The following SMOC2 variants were observed in gnomAD, a reference collection of about 807,000 sequenced individuals.
SMOC2 encodes the protein SPARC related modular calcium binding 2, also known as SPARC-related modular calcium-binding protein 2.
SMOC2 carries 39 observed loss-of-function variants against 61.4 expected under a neutral mutation model. The ratio of observed to expected loss-of-function variants is 0.64; its 90% CI spans 0.49 to 0.83. The LOEUF is 0.83. SMOC2 is among the 40% of genes least tolerant of loss of function. The pLI is 0.00. For synonymous variants in SMOC2, 247 were observed against 239.9 expected, an observed-to-expected ratio of 1.03 and a Z score of -0.27; for missense variants, 556 against 592.9, an observed-to-expected ratio of 0.94 and a Z score of 0.65.
At chr6:168,644,853 T>C (rs1786983453) in intron 9 of SMOC2, among the ~76,000 whole-genome samples, 1 of 152,010 alleles carries the variant, frequency 6.6e-6, no homozygotes, top group African/African-American at 2.4e-5. Context: ...TTTCACTCTG[T>C]TGGCCAGACT....
At chr6:168,591,851 A>G (rs1785188407) in intron 7 of SMOC2, among the ~76,000 whole-genome samples, 1 of 152,088 alleles carries the variant, frequency 6.6e-6, no homozygotes, top group South Asian at 2.1e-4. Context: ...TTCATCTAAT[A>G]TATTAAAATG....
chr6:168,626,933 G>A (rs17553738), intron 9 of SMOC2, among the ~76,000 whole-genome samples: 22,972 of 152,144 alleles, frequency 0.15, 2,018 homozygotes, highest in African/African-American at 0.23. Flanking sequence ...TGGACCTGCC[G>A]GGAGAGTCAT....
intron 8 of SMOC2, among the ~76,000 whole-genome samples, chr6:168,605,886 AC>A (rs971384423): frequency 7.2e-5 from 11 of 151,934 alleles, no homozygotes; most frequent in African/African-American, 2.4e-4. Context: ...AAGGGCTGGA[AC>A]TCTATCCTCA....
intron 11 of SMOC2, among the ~76,000 whole-genome samples, chr6:168,661,179 C>T (rs1787501477): frequency 6.6e-6 from 1 of 151,844 alleles, no homozygotes; most frequent in Non-Finnish European, 1.5e-5. Context: ...GTATAGTTTA[C>T]AATAGTGAAA....
chr6:168,583,326 A>C (rs987712348), intron 7 of SMOC2, among the ~76,000 whole-genome samples: 12 of 148,828 alleles, frequency 8.1e-5, no homozygotes, highest in Non-Finnish European at 1.5e-4. Flanking sequence ...CCCGGCTCCA[A>C]TGGGCTCAGC....
intron 7 of SMOC2, among the ~76,000 whole-genome samples, chr6:168,549,773 A>C (rs566971618): frequency 4.6e-5 from 7 of 152,304 alleles, no homozygotes; most frequent in African/African-American, 1.7e-4. Context: ...TATATTTTTA[A>C]ATTCGGCATT....
intron 8 of SMOC2, among the ~76,000 whole-genome samples, chr6:168,600,430 A>C (rs1389588659): frequency 0.044 from 2,403 of 55,206 alleles, 120 homozygotes; most frequent in African/African-American, 0.13. Flanking sequence ...AACAAAAAAA[A>C]AAACAAAAAA....
At chr6:168,480,378 GAA>G (rs573549436) in intron 1 of SMOC2, among the ~76,000 whole-genome samples, 1 of 151,792 alleles carries the variant, frequency 6.6e-6, no homozygotes, top group African/African-American at 2.4e-5. Flanking sequence ...AGAAAGTAAA[GAA>G]AATAATATAT....
rs1781483207 is a variant in SMOC2, at chr6:168,452,269, G to T, written c.84+10815G>T. Reference sequence around the variant, plus strand: ...TTCTACTGTCTTTATTTAGAAGTCTGGGATATGCATGTTACATTCAGGATT... The same window carrying T: ...TTCTACTGTCTTTATTTAGAAGTCTTGGATATGCATGTTACATTCAGGATT... On this transcript the variant is annotated intron_variant, in intron 1 of 12. Coordinates refer to ENST00000356284, the MANE Select transcript of SMOC2 (RefSeq NM_001166412.2). The surrounding 1 kb of genome is among the most constrained non-coding windows in gnomAD (Gnocchi z 5.0). Among the ~76,000 whole-genome samples the T allele has an allele frequency of 6.6e-6, 1 of 152,204 alleles. No individual in the cohort carries two copies. The highest frequency in any genetic ancestry group is 1.9e-4 in the East Asian group (1 of 5,192).
At chr6:168,474,115 G>T in intron 1 of SMOC2, among the ~76,000 whole-genome samples, 1 of 152,142 alleles carries the variant, frequency 6.6e-6, no homozygotes, top group East Asian at 1.9e-4. Flanking sequence ...TGCATTGATG[G>T]ATTGCTTCAT....
At chr6:168,537,699 A>G (rs147471392) in intron 4 of SMOC2, among the ~76,000 whole-genome samples, 1 of 152,108 alleles carries the variant, frequency 6.6e-6, no homozygotes, top group Non-Finnish European at 1.5e-5. Context: ...GGGCCGAGAG[A>G]CATATGCCCT....
At chr6:168,651,723 G>T (rs1787197576) in intron 10 of SMOC2, among the ~76,000 whole-genome samples, 2 of 152,280 alleles carry the variant, frequency 1.3e-5, no homozygotes, top group South Asian at 4.1e-4. Flanking sequence ...AACAGAAAAT[G>T]TCATGAATGT....
rs567453354 is a variant in SMOC2 at position 168,636,953 on chromosome 6, T to TG, written c.908-13728_908-13727insG. ...CCCTCCCCACCTCCCTCTTCCCTCC[T>TG]CTTTCCTCCCTCCTCCCTCCTGCTT... On this transcript the variant is annotated intron_variant, in intron 9 of 12. Coordinates refer to ENST00000356284, the MANE Select transcript of SMOC2 (RefSeq NM_001166412.2). Among the ~76,000 whole-genome samples the TG allele has an allele frequency of 1.2e-4, 14 of 113,138 alleles. 1 individual carries two copies. The highest frequency in any genetic ancestry group is 5.1e-4 in the African/African-American group (14 of 27,528). The allele number at this position is 113,138 out of a possible 152,430, so 74.2% of individuals were successfully genotyped here. A position where few individuals can be genotyped will look rare whatever the true frequency, so the allele number is the denominator to read the frequency against.
Position 168,510,077 on chromosome 6 carries a change from A to G in SMOC2, c.247A>G (p.Asn83Asp), listed in dbSNP as rs766932193. 2 of 1,613,902 alleles carry G rather than the reference A, an allele frequency of 1.2e-6. No homozygotes were observed. The highest frequency in any genetic ancestry group is 1.3e-5 in the African/African-American group (1 of 74,934). Reference sequence around the variant, plus strand: ...CCAGCTAGAGATTGCATATCGAGGAAACTGCAAAGGTAAGCTGCTGTTTGA... The same window carrying G: ...CCAGCTAGAGATTGCATATCGAGGAGACTGCAAAGGTAAGCTGCTGTTTGA... Reference protein sequence around the residue: ...DPQLEIAYRGNCKDVSRCVAE... With the variant: ...DPQLEIAYRGDCKDVSRCVAE... Residue 83 changes from asparagine to aspartate, a missense_variant, in exon 2 of 13, where the codon AAC becomes GAC. Physicochemically the swap from Asn to Asp is conservative, Grantham distance 23. Transcript: ENST00000356284.
At chr6:168,663,974 C>T in intron 11 of SMOC2, 100 bp from the exon 12 acceptor site, 1 of 972,622 alleles carries the variant, frequency 1.0e-6, no homozygotes, top group Admixed American at 2.4e-5. Flanking sequence ...TTGATAACAC[C>T]TTCCTAAAGT....
chr6:168,497,455 G>A (rs988156967), intron 1 of SMOC2, among the ~76,000 whole-genome samples: 28 of 152,270 alleles, frequency 1.8e-4, no homozygotes, highest in African/African-American at 3.4e-4. Flanking sequence ...TGGCCTCCGC[G>A]GCATGTGGTG....
At chr6:168,533,042 T>TA (rs56149747) in intron 4 of SMOC2, among the ~76,000 whole-genome samples, 30,234 of 152,156 alleles carry the variant, frequency 0.2, 3,275 homozygotes, top group African/African-American at 0.26. Flanking sequence ...GTCTGTGTGA[T>TA]ACCTGTGACA....
chr6:168,664,107 G>A lies in SMOC2; in HGVS notation c.1319G>A (p.Arg440Lys), dbSNP rs138429562. The change falls in exon 12 of 13, where the codon AGA becomes AAA. Residue 440 changes from arginine to lysine, a missense_variant. By Grantham distance (26) the Arg-to-Lys change is conservative. Coordinates refer to ENST00000356284, the MANE Select transcript of SMOC2 (RefSeq NM_001166412.2). Reference sequence around the variant, plus strand: ...GGTCATGCTGAAAGTACGTCTAATAGACAGGTAAGTATGTTTATATTTTAC... The same window carrying A: ...GGTCATGCTGAAAGTACGTCTAATAAACAGGTAAGTATGTTTATATTTTAC... ...PRGHAESTSN[R>K]QPRKQG 3 of 1,602,292 alleles carry A rather than the reference G, an allele frequency of 1.9e-6. No individual in the cohort carries two copies. The highest frequency in any genetic ancestry group is 4.5e-5 in the East Asian group (2 of 44,812).
chr6:168,601,367 CTGCACAGGGGTG>C (rs1785551817), intron 8 of SMOC2, among the ~76,000 whole-genome samples: 1 of 152,250 alleles, frequency 6.6e-6, no homozygotes, highest in Non-Finnish European at 1.5e-5. Context: ...TCAGCCGACA[CTGCACAGGGGTG>C]CTGAGGCCAG....
Sources: allele counts gnomAD v4.1 joint callset (sites outside exome capture counted in the v4.1 genomes callset), GRCh38; gene constraint gnomAD v4.1.1; non-coding constraint Gnocchi (gnomAD v3.1); transcripts MANE v1.5; gene names NCBI Gene and HGNC (gene_info 2026-07-23, HGNC 2026-07-21).